Variants in BTG3 observed in about 807,000 individuals in gnomAD.
The protein encoded by BTG3 is BTG anti-proliferation factor 3, also known as protein BTG3.
In BTG3, 4 loss-of-function variants were observed where a neutral mutation model predicts 25.8. The ratio of observed to expected loss-of-function variants is 0.16; its 90% CI spans 0.08 to 0.36. BTG3 has a LOEUF of 0.36. BTG3 is among the 10% of genes least tolerant of loss of function. The pLI is 1.00. For missense variants in BTG3, 201 were observed against 304.9 expected, an observed-to-expected ratio of 0.66 and a Z score of 2.54; for synonymous variants, 107 against 99.9, an observed-to-expected ratio of 1.07 and a Z score of -0.42.
Position 17,605,008 on chromosome 21 carries a change from G to C in BTG3, c.174-11C>G. 1 of 1,612,020 alleles carries C rather than the reference G, an allele frequency of 6.2e-7. No individual in the cohort carries two copies. The highest frequency in any genetic ancestry group is 1.1e-5 in the South Asian group (1 of 90,662). On this transcript the variant is annotated splice_polypyrimidine_tract_variant and intron_variant, in intron 2 of 4. Transcript: ENST00000348354. ...TTGACACGAATACATCTACAACAAAGTGGAGTTACGTTAATGGATTTAAAT... is the reference window on the plus strand; with the variant it reads ...TTGACACGAATACATCTACAACAAACTGGAGTTACGTTAATGGATTTAAAT...
chr21:17,603,520 C>G (rs1449165876), intron 3 of BTG3, among the ~76,000 whole-genome samples: 2 of 152,180 alleles, frequency 1.3e-5, no homozygotes, highest in Admixed American at 1.3e-4. Flanking sequence ...GTCTTCACCT[C>G]CACCTTCATT....
chr21:17,598,502 G>A, intron 4 of BTG3, 115 bp downstream of exon 4: 1 of 844,256 alleles, frequency 1.2e-6, no homozygotes, highest in Non-Finnish European at 1.8e-6. Context: ...GGAAAGGCAA[G>A]AACTATTATC....
chr21:17,611,350 G>A (rs2123488084), intron 1 of BTG3, among the ~76,000 whole-genome samples: 1 of 152,242 alleles, frequency 6.6e-6, no homozygotes, highest in East Asian at 1.9e-4. Flanking sequence ...TGCCAACTAT[G>A]TGCCACATAT....
chr21:17,601,525 A>G (rs1004789281), intron 3 of BTG3, among the ~76,000 whole-genome samples: 1 of 152,178 alleles, frequency 6.6e-6, no homozygotes, highest in Non-Finnish European at 1.5e-5. Context: ...CCCTCTCTCT[A>G]AAACAAAACA....
At chr21:17,599,081 TA>T (rs551777196) in intron 3 of BTG3, 11,430 of 316,950 alleles carry the variant, frequency 0.036, 195 homozygotes, top group Middle Eastern at 0.086. Flanking sequence ...TACTAATTCC[TA>T]AAAAAAAAAT....
intron 3 of BTG3, among the ~76,000 whole-genome samples, chr21:17,603,655 G>A (rs1007618599): frequency 1.1e-4 from 16 of 152,106 alleles, no homozygotes; most frequent in African/African-American, 3.9e-4. Context: ...AAACCAAATA[G>A]AAACATCCTA....
intron 4 of BTG3, among the ~76,000 whole-genome samples, chr21:17,595,363 C>G (rs371762718): frequency 1.3e-5 from 2 of 151,774 alleles, no homozygotes; most frequent in African/African-American, 4.8e-5. Context: ...TCAAAAAGTA[C>G]AAAAGGGTAA....
intron 2 of BTG3, among the ~76,000 whole-genome samples, chr21:17,607,212 A>C (rs2061655340): frequency 1.3e-5 from 2 of 152,200 alleles, no homozygotes; most frequent in Non-Finnish European, 1.5e-5. Flanking sequence ...AATGGAAATG[A>C]AATTGTACAC....
intron 2 of BTG3, among the ~76,000 whole-genome samples, chr21:17,607,658 AAAGG>A (rs1286388843): frequency 2.0e-5 from 3 of 152,262 alleles, no homozygotes; most frequent in African/African-American, 7.2e-5. Context: ...CCAGTGGCAG[AAAGG>A]AAGTCCTTCT....
At chr21:17,595,200 A>G (rs1231896408) in intron 4 of BTG3, among the ~76,000 whole-genome samples, 1 of 152,070 alleles carries the variant, frequency 6.6e-6, no homozygotes, top group Non-Finnish European at 1.5e-5. Flanking sequence ...CACATTATTC[A>G]AAGTGTTCTT....
chr21:17,598,351 T>G (rs2061530441), intron 4 of BTG3, among the ~76,000 whole-genome samples: 1 of 152,170 alleles, frequency 6.6e-6, no homozygotes, highest in African/African-American at 2.4e-5. Context: ...TCAGGAATGT[T>G]TTACCATCAT....
At chr21:17,609,319 C>T (rs532874033) in intron 1 of BTG3, among the ~76,000 whole-genome samples, 167 bp from the exon 2 acceptor site, 1 of 152,152 alleles carries the variant, frequency 6.6e-6, no homozygotes, top group East Asian at 1.9e-4. Flanking sequence ...TATCTTTATG[C>T]CATAAAGGCC....
chr21:17,609,980 A>G (rs903523796), intron 1 of BTG3, among the ~76,000 whole-genome samples: 2 of 152,232 alleles, frequency 1.3e-5, no homozygotes, highest in African/African-American at 2.4e-5. Context: ...ATGTAATGGA[A>G]TATTATTCAG....
intron 3 of BTG3, chr21:17,604,090 G>T: frequency 8.0e-7 from 1 of 1,246,196 alleles, no homozygotes; most frequent in Non-Finnish European, 1.0e-6. Flanking sequence ...TAGGAGATGT[G>T]AAAAATAACT....
intron 1 of BTG3, among the ~76,000 whole-genome samples, chr21:17,611,422 G>C (rs769014559): frequency 9.2e-5 from 14 of 152,218 alleles, no homozygotes; most frequent in African/African-American, 3.4e-4. Flanking sequence ...AAGAAGGAAA[G>C]AACCACTTAG....
At chr21:17,594,832 G>A (rs953182403) in intron 4 of BTG3, among the ~76,000 whole-genome samples, 7 of 152,052 alleles carry the variant, frequency 4.6e-5, no homozygotes, top group African/African-American at 1.2e-4. Context: ...AATAGACATT[G>A]GAGTCTATTT....
intron 4 of BTG3, among the ~76,000 whole-genome samples, chr21:17,595,857 T>C (rs2061497747): frequency 6.6e-6 from 1 of 152,046 alleles, no homozygotes; most frequent in African/African-American, 2.4e-5. Flanking sequence ...CGTTAAAAAG[T>C]TCCAGTTTTC....
In BTG3 at chr21:17,598,740, G is replaced by A. The variant is rs1488207062; in HGVS notation, c.396C>T (p.Thr132=). ...ENKDEISRKV[T]RALDKVTSDY... Reference sequence around the variant, plus strand: ...CAGAGGTAACCTTATCAAGGGCCCTGGTAACTTTCCTGGAGATCTCATCCT... The same window carrying A: ...CAGAGGTAACCTTATCAAGGGCCCTAGTAACTTTCCTGGAGATCTCATCCT... The change falls in exon 4 of 5, where the codon ACC becomes ACT. Residue 132 remains threonine (T), a synonymous_variant. Coordinates refer to ENST00000348354, the MANE Select transcript of BTG3 (RefSeq NM_006806.5). 1.9e-6 allele frequency: 3 copies of A among 1,614,034 alleles called. No homozygotes were observed. The highest frequency in any genetic ancestry group is 2.7e-5 in the African/African-American group (2 of 74,992).
At chr21:17,596,099 C>T (rs1411146617) in intron 4 of BTG3, among the ~76,000 whole-genome samples, 2 of 151,952 alleles carry the variant, frequency 1.3e-5, no homozygotes, top group Admixed American at 6.6e-5. Flanking sequence ...TTTGAGATTA[C>T]AGCAGGATAT....
Sources: gnomAD v4.1 joint callset for allele counts (sites outside exome capture counted in the v4.1 genomes callset) on GRCh38, gnomAD v4.1.1 for gene constraint, MANE v1.5 for transcripts, NCBI Gene and HGNC (gene_info 2026-07-23, HGNC 2026-07-21) for gene names.